Variants in CIMAP1A observed in about 807,000 individuals in gnomAD.
The protein encoded by CIMAP1A is ciliary microtubule associated protein 1A.
At chr11:197,158 G>C in the CIMAP1A span, 5 of 498,416 alleles carry the variant, frequency 1.0e-5, no homozygotes, top group African/African-American at 9.4e-5. Flanking sequence ...CTCCCAGCTG[G>C]AGATCCCCAC....
the CIMAP1A span, chr11:198,093 G>C: frequency 1.9e-6 from 3 of 1,549,832 alleles, no homozygotes; most frequent in Non-Finnish European, 2.6e-6. Flanking sequence ...CTGTGTTGGA[G>C]CCCAGAGGCC....
At chr11:198,538 A>G in the CIMAP1A span, 1 of 1,612,670 alleles carries the variant, frequency 6.2e-7, no homozygotes, top group Admixed American at 1.7e-5. Flanking sequence ...CTCCTTTTCC[A>G]TCAAGGGCCG....
the CIMAP1A span, chr11:199,752 G>C: frequency 2.8e-6 from 4 of 1,436,528 alleles, no homozygotes; most frequent in South Asian, 5.9e-5. Flanking sequence ...CATGGAAGCA[G>C]AGACCCTGCC....
At chr11:200,169 T>C in the CIMAP1A span, 1 of 726,314 alleles carries the variant, frequency 1.4e-6, no homozygotes, top group Non-Finnish European at 2.2e-6. Flanking sequence ...TGGGCAATTG[T>C]AATCAGTTAC....
At chr11:198,463 G>A in the CIMAP1A span, 1 of 1,613,266 alleles carries the variant, frequency 6.2e-7, no homozygotes, top group Non-Finnish European at 8.5e-7. Context: ...CCACCCTGCA[G>A]GCCCCGCTGC....
the CIMAP1A span, chr11:200,100 G>A: frequency 6.4e-7 from 1 of 1,558,550 alleles, no homozygotes; most frequent in Non-Finnish European, 8.8e-7. Flanking sequence ...CAGAGCTCGA[G>A]GCTGTCTTCA....
At chr11:199,313 C>A in the CIMAP1A span, 3 of 1,547,706 alleles carry the variant, frequency 1.9e-6, no homozygotes, top group South Asian at 1.2e-5. Flanking sequence ...TCCCTGTCCT[C>A]TAGGGCCACA....
At chr11:198,836 C>A in the CIMAP1A span, 2 of 1,367,884 alleles carry the variant, frequency 1.5e-6, no homozygotes, top group Non-Finnish European at 1.9e-6. Flanking sequence ...GTTTAGGAAG[C>A]ACTGTCTGGA....
chr11:198,175 C>G, the CIMAP1A span: 1 of 1,608,978 alleles, frequency 6.2e-7, no homozygotes, highest in African/African-American at 1.3e-5. Flanking sequence ...CTTGTCCCAG[C>G]AGCCCCCTTG....
chr11:200,135 C>T, the CIMAP1A span: 1 of 1,201,642 alleles, frequency 8.3e-7, no homozygotes, highest in Non-Finnish European at 1.2e-6. Flanking sequence ...CCAGCCTGGC[C>T]CTGCAGGGCA....
chr11:198,103 C>A, the CIMAP1A span: 1 of 1,552,842 alleles, frequency 6.4e-7, no homozygotes, highest in Non-Finnish European at 8.7e-7. Flanking sequence ...GCCCAGAGGC[C>A]CCACGCCTAG....
the CIMAP1A span, chr11:198,892 G>A: frequency 2.4e-6 from 3 of 1,262,500 alleles, no homozygotes; most frequent in African/African-American, 1.5e-5. Context: ...AGAAGAGGAG[G>A]AGGAAAAAAT....
chr11:199,613 GAAA>G, the CIMAP1A span: 1 of 1,158,378 alleles, frequency 8.6e-7, no homozygotes, highest in Non-Finnish European at 1.1e-6. Context: ...CAGACGAGGG[GAAA>G]CAGGGTCAGG....
chr11:198,597 C>T, the CIMAP1A span: 1 of 1,596,408 alleles, frequency 6.3e-7, no homozygotes, highest in Non-Finnish European at 8.5e-7. Context: ...CAAGGGCCAC[C>T]CCAACTGAGA....
chr11:197,468 G>C, the CIMAP1A span: 7 of 1,590,792 alleles, frequency 4.4e-6, no homozygotes, highest in South Asian at 4.5e-5. Context: ...GCAGGTGGGG[G>C]TCCCGGGAAG....
chr11:199,178 C>T, the CIMAP1A span: 3 of 1,424,832 alleles, frequency 2.1e-6, no homozygotes, highest in African/African-American at 2.9e-5. Flanking sequence ...AGGAAGTGAC[C>T]CCCACATGAG....
chr11:197,531 C>T, the CIMAP1A span: 65 of 1,608,734 alleles, frequency 4.0e-5, no homozygotes, highest in East Asian at 3.1e-4. Context: ...GGTCAGGCTC[C>T]GGGCTGCTCA....
At chr11:198,434 C>G in the CIMAP1A span, 1 of 1,613,226 alleles carries the variant, frequency 6.2e-7, no homozygotes, top group Non-Finnish European at 8.5e-7. Context: ...GGGCCCTGTT[C>G]CGGCCTGAGG....
the CIMAP1A span, chr11:197,642 G>A: frequency 6.2e-7 from 1 of 1,613,566 alleles, no homozygotes; most frequent in Non-Finnish European, 8.5e-7. Context: ...GCAGAGAACT[G>A]CTCCCCAGGG....
Sources: allele counts gnomAD v4.1 joint callset, GRCh38; gene constraint gnomAD v4.1.1; transcripts MANE v1.5; gene names NCBI Gene and HGNC (gene_info 2026-07-23, HGNC 2026-07-21).